Variants in MITF observed in about 807,000 individuals in gnomAD.
MITF encodes melanocyte inducing transcription factor.
In MITF, 17 loss-of-function variants were observed where a neutral mutation model predicts 60.5. The ratio of observed to expected loss-of-function variants is 0.28; its 90% CI spans 0.19 to 0.42. The LOEUF is 0.42. Among genes scored for constraint, MITF ranks in the 10% least tolerant of loss-of-function variants. The pLI, the probability that MITF is intolerant of heterozygous loss-of-function variation, is 1.00. For missense variants in MITF, 622 were observed against 683.5 expected (o/e 0.91, Z 1.00); for synonymous variants, 260 against 248.5 (o/e 1.05, Z -0.43).
chr3:69,882,138 A>C (rs1182831005), intron 2 of MITF, among the ~76,000 whole-genome samples: 1 of 152,140 alleles, frequency 6.6e-6, no homozygotes, highest in Non-Finnish European at 1.5e-5. Context: ...GCAGAGTAAA[A>C]TTTAAAATAT....
rs138093660 is a variant in MITF, at chr3:69,788,937, A to G, written c.104+49236A>G. On this transcript the variant is annotated intron_variant, in intron 1 of 9. Transcript: ENST00000352241. The stretch of plus-strand genomic sequence containing the variant: ...CCCTTATCTTACACAAAGTACAAAT[A>G]TTAACTCAAGATGGATTCAAGACCT... Among the ~76,000 whole-genome samples, 352 of 152,316 alleles carry G rather than the reference A, an allele frequency of 2.3e-3. 1 individual carries two copies. Among genetic ancestry groups the G allele is most frequent in the Admixed American group, 3.5e-3 (53 of 15,294 alleles).
chr3:69,955,908 G>A (rs1249079058), intron 7 of MITF, among the ~76,000 whole-genome samples: 1 of 152,140 alleles, frequency 6.6e-6, no homozygotes, highest in Non-Finnish European at 1.5e-5. Flanking sequence ...GCTTTTCATT[G>A]ATTTGCCTTG....
intron 1 of MITF, among the ~76,000 whole-genome samples, chr3:69,870,440 A>ATATTTTTT (rs1435617160): frequency 2.2e-5 from 3 of 135,262 alleles, no homozygotes; most frequent in African/African-American, 8.3e-5. Flanking sequence ...ATATATATAT[A>ATATTTTTT]TTTTTTTTTT....
At chr3:69,772,943 T>C (rs1390234334) in intron 1 of MITF, among the ~76,000 whole-genome samples, 1 of 152,142 alleles carries the variant, frequency 6.6e-6, no homozygotes, top group Non-Finnish European at 1.5e-5. Flanking sequence ...CAAGCAGATG[T>C]AGAAATAAAT....
At chr3:69,946,195 A>G (rs1334597914) in intron 5 of MITF, among the ~76,000 whole-genome samples, 1 of 152,160 alleles carries the variant, frequency 6.6e-6, no homozygotes, top group Non-Finnish European at 1.5e-5. Context: ...TCACTTTTCA[A>G]TTGGAGACAC....
At chr3:69,902,872 A>G (rs1005800015) in intron 2 of MITF, among the ~76,000 whole-genome samples, 3 of 151,414 alleles carry the variant, frequency 2.0e-5, no homozygotes, top group Non-Finnish European at 4.4e-5. Context: ...GGTAAAATGC[A>G]GAAAAAAAAA....
chr3:69,954,991 T>C (rs958703511), intron 7 of MITF, among the ~76,000 whole-genome samples: 2 of 152,094 alleles, frequency 1.3e-5, no homozygotes, highest in Non-Finnish European at 2.9e-5. Context: ...AATTTATTTG[T>C]TTGACTACAT....
At chr3:69,765,731 C>T (rs2106817841) in intron 1 of MITF, among the ~76,000 whole-genome samples, 1 of 152,234 alleles carries the variant, frequency 6.6e-6, no homozygotes, top group East Asian at 1.9e-4. Context: ...ATATGATTCC[C>T]TTACCATAAG....
At chr3:69,778,084 G>C (rs1460826758) in intron 1 of MITF, among the ~76,000 whole-genome samples, 1 of 152,110 alleles carries the variant, frequency 6.6e-6, no homozygotes, top group Non-Finnish European at 1.5e-5. Flanking sequence ...GGAGCTGAGA[G>C]ATATCAGGGA....
intron 1 of MITF, among the ~76,000 whole-genome samples, chr3:69,778,161 T>A (rs1409108779): frequency 2.0e-5 from 3 of 152,072 alleles, no homozygotes; most frequent in Non-Finnish European, 4.4e-5. Context: ...GGGAAGGATG[T>A]CTTTTAGATT....
intron 2 of MITF, among the ~76,000 whole-genome samples, chr3:69,917,158 C>T (rs964764931): frequency 6.6e-5 from 10 of 152,108 alleles, no homozygotes; most frequent in African/African-American, 9.7e-5. Context: ...ATATTATAGT[C>T]TGGAAATGGA....
intron 1 of MITF, among the ~76,000 whole-genome samples, chr3:69,771,269 A>G (rs2062390210): frequency 6.6e-6 from 1 of 151,818 alleles, no homozygotes; most frequent in South Asian, 2.1e-4. Context: ...TTTTCCTGAA[A>G]TGAACACTTC....
chr3:69,832,417 T>G (rs1379182767), intron 1 of MITF, among the ~76,000 whole-genome samples: 1 of 152,240 alleles, frequency 6.6e-6, no homozygotes, highest in African/African-American at 2.4e-5. Flanking sequence ...TACTATGTGT[T>G]AGACCTTGGG....
intron 6 of MITF, among the ~76,000 whole-genome samples, chr3:69,951,150 TGCAGTG>T (rs1420940602): frequency 6.7e-6 from 1 of 149,168 alleles, no homozygotes; most frequent in African/African-American, 2.5e-5. Context: ...TGAGCTGGTG[TGCAGTG>T]GTGTGATCAC....
chr3:69,822,226 G>A (rs35183823), intron 1 of MITF, among the ~76,000 whole-genome samples: 51,319 of 152,004 alleles, frequency 0.34, 9,697 homozygotes, highest in Non-Finnish European at 0.43. Context: ...CCCCCCAGCC[G>A]TTTAATGTTG....
intron 1 of MITF, among the ~76,000 whole-genome samples, chr3:69,855,894 G>C (rs2063910500): frequency 6.6e-6 from 1 of 152,102 alleles, no homozygotes; most frequent in South Asian, 2.1e-4. Flanking sequence ...CCCTGGGCTA[G>C]AGGTCTTATT....
intron 2 of MITF, among the ~76,000 whole-genome samples, chr3:69,910,705 A>G (rs1185504696): frequency 6.6e-6 from 1 of 152,184 alleles, no homozygotes; most frequent in African/African-American, 2.4e-5. Flanking sequence ...TCACACTTGC[A>G]TGGGCCCTGT....
At chr3:69,848,501 C>T (rs1477748593) in intron 1 of MITF, among the ~76,000 whole-genome samples, 2 of 152,176 alleles carry the variant, frequency 1.3e-5, no homozygotes, top group African/African-American at 4.8e-5. Flanking sequence ...ATGATACTTT[C>T]ATGTTAGCTC....
chr3:69,926,105 G>A (rs1239206884), intron 2 of MITF, among the ~76,000 whole-genome samples: 1 of 152,234 alleles, frequency 6.6e-6, no homozygotes, highest in East Asian at 1.9e-4. Flanking sequence ...AAACCTGCAT[G>A]CGAAGCTCTC....
Sources: allele counts gnomAD v4.1 joint callset (sites outside exome capture counted in the v4.1 genomes callset), GRCh38; gene constraint gnomAD v4.1.1; transcripts MANE v1.5; gene names NCBI Gene and HGNC (gene_info 2026-07-23, HGNC 2026-07-21).